The following EPHB3 variants were observed in gnomAD, a reference collection of about 807,000 sequenced individuals.
EPHB3 encodes the protein ephrin type-B receptor 3.
Under a neutral mutation model 100.2 loss-of-function variants are expected in EPHB3, and 33 were observed. The observed-to-expected ratio is 0.33, with a 90% CI of 0.25 to 0.44. The LOEUF (loss-of-function observed/expected upper bound fraction) is 0.44. EPHB3 is among the 20% of genes least tolerant of loss of function. EPHB3 has a pLI of 1.00. For missense variants in EPHB3, 1,045 were observed against 1,378.3 expected (o/e 0.76, Z 3.83); for synonymous variants, 526 against 554.7 (o/e 0.95, Z 0.73).
Position 184,577,664 on chromosome 3 carries a change from G to A in EPHB3, c.1486G>A (p.Gly496Ser). ...CTCTCTCCTGGCATTGCAGAGCGAGGGCATCGCCTCCACAGTGACCAGCCA... is the reference window on the plus strand; with the variant it reads ...CTCTCTCCTGGCATTGCAGAGCGAGAGCATCGCCTCCACAGTGACCAGCCA... ...YEMKYFEKSE[G>S]IASTVTSQMN... Residue 496 changes from glycine (G) to serine (S), a missense_variant, in exon 7 of 16, where the codon GGC (glycine) becomes AGC (serine). Around this residue, in one of 2 missense-constraint regions of EPHB3, gnomAD observed 985 missense variants for 1,331.1 expected, o/e 0.74. Transcript: ENST00000330394. The surrounding 1 kb of genome is among the most constrained non-coding windows in gnomAD (Gnocchi z 4.9). 6.3e-7 allele frequency: 1 copy of A among 1,596,952 alleles called. No homozygotes were observed. Among genetic ancestry groups the A allele is most frequent in the Non-Finnish European group, 8.6e-7 (1 of 1,168,882 alleles).
At chr3:184,576,095 T>C (rs907647713) in intron 4 of EPHB3, 110 bp downstream of exon 4, 4 of 1,415,422 alleles carry the variant, frequency 2.8e-6, no homozygotes, top group Middle Eastern at 1.9e-4. Flanking sequence ...GGGAAGGAGC[T>C]GAGGCTCAGG....
intron 1 of EPHB3, among the ~76,000 whole-genome samples, chr3:184,566,152 C>A (rs1577521260): frequency 6.6e-6 from 1 of 152,146 alleles, no homozygotes; most frequent in East Asian, 2.0e-4. Flanking sequence ...AGCCTCCTGG[C>A]CAGACCCAGT....
intron 3 of EPHB3, among the ~76,000 whole-genome samples, chr3:184,574,717 C>T (rs1714630675): frequency 6.6e-6 from 1 of 152,180 alleles, no homozygotes; most frequent in Admixed American, 6.5e-5. Context: ...GAGATTTCCT[C>T]TTCCTAAGTG....
rs899010859 is a variant in EPHB3 at position 184,561,946 on chromosome 3, C to G, written c.-290C>G. 2.3e-4 allele frequency: 37 copies of G among 157,566 alleles called. No individual in the cohort carries two copies. Among genetic ancestry groups the G allele is most frequent in the African/African-American group, 7.7e-4 (32 of 41,490 alleles). The allele number at this position is 157,566 out of a possible 1,614,324, so 9.8% of individuals were successfully genotyped here. A position where few individuals can be genotyped will look rare whatever the true frequency, so the allele number is the denominator to read the frequency against. On this transcript the variant is annotated 5_prime_UTR_variant, in exon 1 of 16. Coordinates refer to ENST00000330394, the MANE Select transcript of EPHB3 (RefSeq NM_004443.4). ...GCACCCTCCTGCCCCGGCCCGCCCC[C>G]CAAGTCCTCAGGCACCCAGCTCCCC...
rs764300784 is a variant in EPHB3, at chr3:184,576,818, C to A, written c.1013-24C>A. 8.5e-6 allele frequency: 13 copies of A among 1,522,272 alleles called. 1 individual carries two copies. The Admixed American group carries it at 1.9e-4, about 22-fold the overall frequency. 94.3% of individuals were successfully genotyped at this position (1,522,272 alleles called of 1,614,324 possible). A position where few individuals can be genotyped will look rare whatever the true frequency, so the allele number is the denominator to read the frequency against. ...GGTCCTAGAGCCCCCAGCTCACTAC[C>A]TTCTCCCTCCATATTCCTCACAGCC... On this transcript the variant is annotated intron_variant, in intron 4 of 15. Coordinates refer to ENST00000330394, the MANE Select transcript of EPHB3 (RefSeq NM_004443.4).
intron 1 of EPHB3, among the ~76,000 whole-genome samples, chr3:184,564,458 C>T (rs1020099236): frequency 4.6e-5 from 7 of 152,238 alleles, no homozygotes; most frequent in Non-Finnish European, 1.0e-4. Context: ...GGATAGGAAC[C>T]GCACCGACCT....
rs1371448760 is a variant in EPHB3, at chr3:184,565,398, G to A, written c.118+3045G>A. On this transcript the variant is annotated intron_variant, in intron 1 of 15. Transcript: ENST00000330394. The surrounding 1 kb of genome is among the most constrained non-coding windows in gnomAD (Gnocchi z 4.8). ...ACAGACTAGGAATGGGGCCTGAGAT[G>A]AGGAATGGTGTCTGAACCCCAGCAC... 1.3e-5 allele frequency among the ~76,000 whole-genome samples: 2 copies of A among 152,208 alleles called. No individual in the cohort carries two copies. The highest frequency in any genetic ancestry group is 1.9e-4 in the East Asian group (1 of 5,184).
Position 184,572,545 on chromosome 3 carries a change from C to A in EPHB3, c.225C>A (p.Ile75=). 1 of 1,556,920 alleles carries A rather than the reference C, an allele frequency of 6.4e-7. No individual in the cohort carries two copies. Among genetic ancestry groups the A allele is most frequent in the Non-Finnish European group, 8.6e-7 (1 of 1,156,122 alleles). The change falls in exon 3 of 16, where the codon ATC becomes ATA. Residue 75 remains isoleucine, a synonymous_variant. Transcript: ENST00000330394. The surrounding 1 kb of genome is among the most constrained non-coding windows in gnomAD (Gnocchi z 6.6). ...GCTACGATGAGGCCATGAATCCCAT[C>A]CGCACATACCAGGTGTGTAATGTGC... is the stretch of plus-strand genomic sequence containing the variant. ...VSGYDEAMNP[I]RTYQVCNVRE...
At position 184,577,785 on chromosome 3, in the gene EPHB3, G is replaced by A. The variant is rs200203653; in HGVS notation, c.1607G>A (p.Arg536His). ...GTAGCTGGCTATGGGCAGTACAGCC[G>A]CCCTGCCGAGTTTGAGACCACAAGT... is the stretch of plus-strand genomic sequence containing the variant. ...RTVAGYGQYS[R>H]PAEFETTSER... The change falls in exon 7 of 16, where the codon CGC (arginine) becomes CAC (histidine). Residue 536 changes from arginine to histidine, a missense_variant. Coordinates refer to ENST00000330394, the MANE Select transcript of EPHB3 (RefSeq NM_004443.4). The surrounding 1 kb of genome is among the most constrained non-coding windows in gnomAD (Gnocchi z 4.9). 15 of 1,607,296 alleles carry A rather than the reference G, an allele frequency of 9.3e-6. No homozygotes were observed. Among genetic ancestry groups the A allele is most frequent in the South Asian group, 5.5e-5 (5 of 90,782 alleles).
chr3:184,578,334 T>C lies in EPHB3; in HGVS notation c.1749-80T>C. 3 of 1,601,372 alleles carry C rather than the reference T, an allele frequency of 1.9e-6. No individual in the cohort carries two copies. Among genetic ancestry groups the C allele is most frequent in the Middle Eastern group, 1.7e-4 (1 of 6,016 alleles). ...CATCCCCTGTATCCTCTCCGCCCCTTCTGTGAGCCCAAGGGTGCCCTGAAC... is the reference window on the plus strand; with the variant it reads ...CATCCCCTGTATCCTCTCCGCCCCTCCTGTGAGCCCAAGGGTGCCCTGAAC... On this transcript the variant is annotated intron_variant, in intron 8 of 15. Transcript: ENST00000330394. This position sits in a 1 kb window ranked among gnomAD's most constrained non-coding sequence, Gnocchi z 4.7.
At position 184,578,688 on chromosome 3, in the gene EPHB3, C is replaced by T. The variant is rs956295612; in HGVS notation, c.1801+222C>T. On this transcript the variant is annotated intron_variant, in intron 9 of 15. Coordinates refer to ENST00000330394, the MANE Select transcript of EPHB3 (RefSeq NM_004443.4). This position sits in a 1 kb window ranked among gnomAD's most constrained non-coding sequence, Gnocchi z 4.7. Reference sequence around the variant, plus strand: ...AAATGACTGAGACGTGACCTCTCCCCCTAAAGGCAGTTAGTCCTGTGGGAA... The same window carrying T: ...AAATGACTGAGACGTGACCTCTCCCTCTAAAGGCAGTTAGTCCTGTGGGAA... Among the ~76,000 whole-genome samples, 1 of 152,190 alleles carries T rather than the reference C, an allele frequency of 6.6e-6. No individual in the cohort carries two copies. Among genetic ancestry groups the T allele is most frequent in the Admixed American group, 6.5e-5 (1 of 15,282 alleles).
rs760955586 is a variant in EPHB3, at chr3:184,581,116, C to A, written c.2683C>A (p.Leu895Ile). 6.2e-7 allele frequency: 1 copy of A among 1,614,114 alleles called. No individual in the cohort carries two copies. Among genetic ancestry groups the A allele is most frequent in the Non-Finnish European group, 8.5e-7 (1 of 1,180,046 alleles). Residue 895 changes from leucine (L) to isoleucine (I), a missense_variant, in exon 14 of 16, where the codon CTC becomes ATC. By Grantham distance (5) the Leu-to-Ile change is conservative (BLOSUM62 2). Around this residue, in one of 2 missense-constraint regions of EPHB3, gnomAD observed 985 missense variants for 1,331.1 expected, o/e 0.74. Coordinates refer to ENST00000330394, the MANE Select transcript of EPHB3 (RefSeq NM_004443.4). ...CCAGATTGTCAATACCCTGGACAAG[C>A]TCATCCGCAATGCTGCCAGCCTCAA... ...FSQIVNTLDK[L>I]IRNAASLKVI...
Position 184,572,069 on chromosome 3 carries a change from C to T in EPHB3, c.184-435C>T, listed in dbSNP as rs899455044. 1.3e-5 allele frequency among the ~76,000 whole-genome samples: 2 copies of T among 152,220 alleles called. No individual in the cohort carries two copies. Among genetic ancestry groups the T allele is most frequent in the Non-Finnish European group, 2.9e-5 (2 of 68,028 alleles). On this transcript the variant is annotated intron_variant, in intron 2 of 15. Transcript: ENST00000330394. The surrounding 1 kb of genome is among the most constrained non-coding windows in gnomAD (Gnocchi z 6.6). ...AGTGACAGCCAGTAGCCCGGAAGTGCTTGCACTGCTACAAGCCCATTACAT... is the reference window on the plus strand; with the variant it reads ...AGTGACAGCCAGTAGCCCGGAAGTGTTTGCACTGCTACAAGCCCATTACAT...
chr3:184,564,747 G>C (rs1332884256), intron 1 of EPHB3, among the ~76,000 whole-genome samples: 1 of 152,164 alleles, frequency 6.6e-6, no homozygotes, highest in Non-Finnish European at 1.5e-5. Flanking sequence ...AGCTGGCCCA[G>C]TGGGCAGCTG....
At position 184,579,057 on chromosome 3, in the gene EPHB3, T is replaced by C. The variant is rs1257317133; in HGVS notation, c.1802-420T>C. Among the ~76,000 whole-genome samples the C allele has an allele frequency of 1.3e-5, 2 of 151,920 alleles. No homozygotes were observed. Among genetic ancestry groups the C allele is most frequent in the African/African-American group, 4.8e-5 (2 of 41,342 alleles). ...GAGGAGTCTGGACTTGACTCCACCA[T>C]AGGTAATTGGAAAGGCTCTCAAGCT... On this transcript the variant is annotated intron_variant, in intron 9 of 15. Coordinates refer to ENST00000330394, the MANE Select transcript of EPHB3 (RefSeq NM_004443.4). The surrounding 1 kb of genome is among the most constrained non-coding windows in gnomAD (Gnocchi z 5.2).
chr3:184,578,090 C>T lies in EPHB3; in HGVS notation c.1748+84C>T, dbSNP rs1198674176. 1.7e-5 allele frequency: 24 copies of T among 1,435,020 alleles called. No homozygotes were observed. In the South Asian group the frequency reaches 2.7e-4, roughly 16 times the overall value. The allele number at this position is 1,435,020 out of a possible 1,614,324, so 88.9% of individuals were successfully genotyped here. A position where few individuals can be genotyped will look rare whatever the true frequency, so the allele number is the denominator to read the frequency against. On this transcript the variant is annotated intron_variant, in intron 8 of 15. Coordinates refer to ENST00000330394, the MANE Select transcript of EPHB3 (RefSeq NM_004443.4). This position sits in a 1 kb window ranked among gnomAD's most constrained non-coding sequence, Gnocchi z 4.7. ...GAGCCCTCATGCCACAGAGATGAGC[C>T]GCCACCACTTCCCTCAGACCCAGGG...
rs111718333 is a variant in EPHB3 at position 184,580,235 on chromosome 3, T to C, written c.2173-167T>C. On this transcript the variant is annotated intron_variant, in intron 11 of 15. Coordinates refer to ENST00000330394, the MANE Select transcript of EPHB3 (RefSeq NM_004443.4). Reference sequence around the variant, plus strand: ...TGGGGATTAACTGGGATGTTGTCTATAAGATACTTGACACATAGTAGGGCA... The same window carrying C: ...TGGGGATTAACTGGGATGTTGTCTACAAGATACTTGACACATAGTAGGGCA... Among the ~76,000 whole-genome samples the C allele has an allele frequency of 8.6e-3, 1,315 of 152,296 alleles. 15 individuals are homozygous for C. Among genetic ancestry groups the C allele is most frequent in the African/African-American group, 0.03 (1,239 of 41,550 alleles).
At position 184,566,032 on chromosome 3, in the gene EPHB3, G is replaced by T. The variant is rs533899805; in HGVS notation, c.118+3679G>T. On this transcript the variant is annotated intron_variant, in intron 1 of 15. Transcript: ENST00000330394. The stretch of plus-strand genomic sequence containing the variant: ...TTTGTCGGGATTGGGCAGCTGGGGG[G>T]GGTGAAGGGTGGAGGGAGACTGGAT... Among the ~76,000 whole-genome samples the T allele has an allele frequency of 6.6e-5, 10 of 152,332 alleles. No individual in the cohort carries two copies. The East Asian group carries it at 9.7e-4, about 15-fold the overall frequency.
chr3:184,578,216 C>A lies in EPHB3; in HGVS notation c.1749-198C>A. The A allele has an allele frequency of 1.1e-6, 1 of 884,072 alleles. No homozygotes were observed. Among genetic ancestry groups the A allele is most frequent in the Non-Finnish European group, 1.7e-6 (1 of 588,348 alleles). 54.8% of individuals were successfully genotyped at this position (884,072 alleles called of 1,614,324 possible). On this transcript the variant is annotated intron_variant, in intron 8 of 15. Coordinates refer to ENST00000330394, the MANE Select transcript of EPHB3 (RefSeq NM_004443.4). This position sits in a 1 kb window ranked among gnomAD's most constrained non-coding sequence, Gnocchi z 4.7. ...CTCCATACCCCATTCCCTGAATCTC[C>A]GGGCAGGTTCCCTAGGGACTGAGTC...
Sources: allele counts gnomAD v4.1 joint callset (sites outside exome capture counted in the v4.1 genomes callset), GRCh38; gene constraint gnomAD v4.1.1; regional missense constraint gnomAD v4.1.1; non-coding constraint Gnocchi (gnomAD v3.1); transcripts MANE v1.5; gene names NCBI Gene and HGNC (gene_info 2026-07-23, HGNC 2026-07-21).